ASIC2: variants seen among roughly 807,000 people sequenced by gnomAD.
ASIC2 encodes the protein acid sensing ion channel subunit 2.
A neutral mutation model predicts 57.3 loss-of-function variants in ASIC2; 25 were observed. That is an observed-to-expected ratio of 0.44 (90% confidence interval 0.32 to 0.61). The LOEUF (loss-of-function observed/expected upper bound fraction) is 0.61. Ranked by LOEUF, ASIC2 falls within the 20% of genes least tolerant of loss-of-function variation. The pLI, the probability that ASIC2 is intolerant of heterozygous loss-of-function variation, is 0.06. For synonymous variants in ASIC2, 319 were observed against 307.5 expected (o/e 1.04, Z -0.39); for missense variants, 641 against 738.1 (o/e 0.87, Z 1.52).
At chr17:33,101,553 TA>T (rs1567745018) in intron 2 of ASIC2, among the ~76,000 whole-genome samples, 7 of 152,148 alleles carry the variant, frequency 4.6e-5, no homozygotes, top group Admixed American at 4.6e-4. Flanking sequence ...TTCTTGGTTT[TA>T]AAAAATTTTA....
chr17:33,990,484 G>T (rs1905966055), intron 1 of ASIC2, among the ~76,000 whole-genome samples: 1 of 152,186 alleles, frequency 6.6e-6, no homozygotes, highest in Non-Finnish European at 1.5e-5. Flanking sequence ...GCACAGTTGA[G>T]ATCAATTACC....
At chr17:33,301,242 T>A (rs997018568) in intron 1 of ASIC2, among the ~76,000 whole-genome samples, 63 of 151,426 alleles carry the variant, frequency 4.2e-4, no homozygotes, top group African/African-American at 1.5e-3. Flanking sequence ...GGTTTCACCA[T>A]GTCATCGAGG....
At chr17:33,274,805 G>A (rs776656322) in intron 1 of ASIC2, among the ~76,000 whole-genome samples, 1 of 152,164 alleles carries the variant, frequency 6.6e-6, no homozygotes, top group Admixed American at 6.5e-5. Flanking sequence ...GGCCCAGAGC[G>A]GGCAGCTAAA....
intron 1 of ASIC2, among the ~76,000 whole-genome samples, chr17:33,594,021 T>G (rs1904907700): frequency 6.6e-6 from 1 of 152,266 alleles, no homozygotes; most frequent in South Asian, 2.1e-4. Flanking sequence ...CAAGTCCCAA[T>G]GTCCCATCTT....
intron 1 of ASIC2, among the ~76,000 whole-genome samples, chr17:33,113,669 G>T (rs1356747422): frequency 6.6e-6 from 1 of 152,222 alleles, no homozygotes; most frequent in Non-Finnish European, 1.5e-5. Flanking sequence ...AGGAAGAGGG[G>T]CTTCTACCCT....
At chr17:34,124,889 G>T (rs1911731862) in intron 1 of ASIC2, among the ~76,000 whole-genome samples, 1 of 151,836 alleles carries the variant, frequency 6.6e-6, no homozygotes, top group Non-Finnish European at 1.5e-5. Context: ...TGGGGATTAG[G>T]CTTTCAAGAT....
At chr17:33,515,872 G>T (rs1030400675) in intron 1 of ASIC2, among the ~76,000 whole-genome samples, 2 of 152,168 alleles carry the variant, frequency 1.3e-5, no homozygotes, top group African/African-American at 4.8e-5. Flanking sequence ...GAGGTGGATG[G>T]ATTGCTTGAC....
intron 1 of ASIC2, among the ~76,000 whole-genome samples, chr17:33,343,743 C>G (rs902596075): frequency 3.3e-5 from 5 of 152,204 alleles, no homozygotes; most frequent in Non-Finnish European, 5.9e-5. Context: ...CCATGGCCCC[C>G]AGGCTCAGCC....
intron 4 of ASIC2, among the ~76,000 whole-genome samples, chr17:33,026,350 A>C (rs2091859316): frequency 6.6e-6 from 1 of 152,218 alleles, no homozygotes. Context: ...CTGGCTATAC[A>C]TCATCTTCTT....
intron 1 of ASIC2, among the ~76,000 whole-genome samples, chr17:33,314,256 T>G (rs1274393622): frequency 1.3e-5 from 2 of 152,184 alleles, no homozygotes; most frequent in Non-Finnish European, 1.5e-5. Context: ...CTCTGTACTG[T>G]TTTTAACATG....
In ASIC2 at chr17:33,373,031, G is replaced by T. The variant is rs565462400; in HGVS notation, c.556-260964C>A. Among the ~76,000 whole-genome samples, 4 of 152,328 alleles carry T rather than the reference G, an allele frequency of 2.6e-5. No homozygotes were observed. The South Asian group carries it at 6.2e-4, about 24-fold the overall frequency. ...TGGGGTTCTGATGCTTTGGGCAAGG[G>T]TGGGGACTTAGGATAAGCAGAAAGG... On this transcript the variant is annotated intron_variant, in intron 1 of 9. Transcript: ENST00000359872.
At position 33,671,618 on chromosome 17, in the gene ASIC2, G is replaced by T. The variant is rs1460741270; in HGVS notation, c.555+484360C>A. The stretch of plus-strand genomic sequence containing the variant: ...CATATGATTAAGACACAAAGATCCA[G>T]GTTTCTCAGCCTGCGTGGACATCCA... On this transcript the variant is annotated intron_variant, in intron 1 of 9. Transcript: ENST00000359872. Among the ~76,000 whole-genome samples, 3 of 152,168 alleles carry T rather than the reference G, an allele frequency of 2.0e-5. No homozygotes were observed. In the East Asian group the frequency reaches 5.8e-4, roughly 29 times the overall value.
At chr17:33,678,297 C>T (rs2142055794) in intron 1 of ASIC2, among the ~76,000 whole-genome samples, 1 of 152,168 alleles carries the variant, frequency 6.6e-6, no homozygotes. Flanking sequence ...GTGTGACTCA[C>T]TTTATATTGA....
At chr17:33,934,300 C>G (rs1316572912) in intron 1 of ASIC2, among the ~76,000 whole-genome samples, 6 of 152,222 alleles carry the variant, frequency 3.9e-5, no homozygotes, top group African/African-American at 1.4e-4. Flanking sequence ...CAGTTCGAAA[C>G]GGCCAGCCCG....
chr17:33,453,885 A>C (rs769614698), intron 1 of ASIC2, among the ~76,000 whole-genome samples: 1 of 152,160 alleles, frequency 6.6e-6, no homozygotes, highest in Non-Finnish European at 1.5e-5. Flanking sequence ...CATACAGTGT[A>C]TGCTTTTTTT....
In ASIC2 at chr17:33,013,777, G is replaced by C; in HGVS notation, c.*188C>G. ...ATCTCTCCTAAGAGGGACGCACGGCGGGGCCCAAGGATGCGTCGTGTTGGA... is the reference window on the plus strand; with the variant it reads ...ATCTCTCCTAAGAGGGACGCACGGCCGGGCCCAAGGATGCGTCGTGTTGGA... On this transcript the variant is annotated 3_prime_UTR_variant, in exon 10 of 10. Coordinates refer to ENST00000225823, the MANE Select transcript of ASIC2 (RefSeq NM_183377.2). 1.6e-6 allele frequency: 1 copy of C among 616,756 alleles called. No individual in the cohort carries two copies. 38.2% of individuals were successfully genotyped at this position (616,756 alleles called of 1,614,324 possible).
chr17:33,858,023 G>T (rs1462775433), intron 1 of ASIC2, among the ~76,000 whole-genome samples: 1 of 152,178 alleles, frequency 6.6e-6, no homozygotes, highest in African/African-American at 2.4e-5. Context: ...AGGACCTCAG[G>T]TAACACCTTG....
intron 1 of ASIC2, among the ~76,000 whole-genome samples, chr17:33,952,210 G>T (rs919123403): frequency 8.5e-5 from 13 of 152,114 alleles, no homozygotes; most frequent in African/African-American, 3.1e-4. Context: ...GAATACTGGT[G>T]CTCATTCTAA....
rs888606901 is a variant in ASIC2 at position 33,127,164 on chromosome 17, C to T, written c.709-15097G>A. ...GATTACAGGCGTGAGCCACCGCTCC[C>T]GGCCGCAACCCTACCATTACTCTTG... On this transcript the variant is annotated intron_variant, in intron 1 of 9. Coordinates refer to ENST00000225823, the MANE Select transcript of ASIC2 (RefSeq NM_183377.2). Among the ~76,000 whole-genome samples, 32 of 149,548 alleles carry T rather than the reference C, an allele frequency of 2.1e-4. 1 individual carries two copies. Among genetic ancestry groups the T allele is most frequent in the Admixed American group, 2.0e-3 (30 of 15,072 alleles).
Sources: allele counts gnomAD v4.1 joint callset (sites outside exome capture counted in the v4.1 genomes callset), GRCh38; gene constraint gnomAD v4.1.1; transcripts MANE v1.5; gene names NCBI Gene and HGNC (gene_info 2026-07-23, HGNC 2026-07-21).